Variants in STK35 observed in about 807,000 individuals in gnomAD.
STK35 encodes the protein serine/threonine kinase 35, also known as serine/threonine-protein kinase 35.
STK35 carries 17 observed loss-of-function variants against 37.3 expected under a neutral mutation model. That is an observed-to-expected ratio of 0.46 (90% CI 0.31 to 0.68). The LOEUF is 0.68. Ranked by LOEUF, STK35 falls within the 30% of genes least tolerant of loss-of-function variation. The pLI is 0.05. For synonymous variants in STK35, 385 were observed against 319.1 expected (o/e 1.21, Z -2.20); for missense variants, 595 against 746.7 (o/e 0.80, Z 2.37).
chr20:2,107,450 CACACCAA>C (rs1985537805), intron 2 of STK35, among the ~76,000 whole-genome samples: 1 of 152,216 alleles, frequency 6.6e-6, no homozygotes, highest in Non-Finnish European at 1.5e-5. Context: ...ATCTTGCCTG[CACACCAA>C]GTGGCTTTGA....
chr20:2,140,872 A>G (rs1271599765), intron 3 of STK35, among the ~76,000 whole-genome samples: 2 of 152,174 alleles, frequency 1.3e-5, no homozygotes, highest in African/African-American at 4.8e-5. Context: ...CTGCTAGTTT[A>G]TTATGTAAAA....
chr20:2,129,351 G>A (rs941527707), intron 3 of STK35, among the ~76,000 whole-genome samples: 6 of 152,074 alleles, frequency 3.9e-5, no homozygotes, highest in Admixed American at 2.0e-4. Flanking sequence ...TACATAGAAC[G>A]GGAATGAAAA....
chr20:2,137,632 G>A (rs558559088), intron 3 of STK35, among the ~76,000 whole-genome samples: 88 of 152,172 alleles, frequency 5.8e-4, no homozygotes, highest in Non-Finnish European at 8.5e-4. Flanking sequence ...CCATTCCTTC[G>A]ACCCTGACAA....
At chr20:2,124,038 A>G (rs1391054851) in intron 3 of STK35, among the ~76,000 whole-genome samples, 6 of 152,252 alleles carry the variant, frequency 3.9e-5, no homozygotes, top group African/African-American at 1.4e-4. Context: ...AAGAAGAGGT[A>G]AAGCCTAGCC....
chr20:2,120,928 A>G (rs1985805995), intron 3 of STK35, among the ~76,000 whole-genome samples: 1 of 152,094 alleles, frequency 6.6e-6, no homozygotes, highest in Non-Finnish European at 1.5e-5. Context: ...TGTACTTTTA[A>G]ATGGAAGATA....
At chr20:2,135,790 C>T (rs1339464494) in intron 3 of STK35, among the ~76,000 whole-genome samples, 1 of 152,204 alleles carries the variant, frequency 6.6e-6, no homozygotes, top group Non-Finnish European at 1.5e-5. Context: ...GTGGAGGTTG[C>T]AGTGAGCCGA....
intron 3 of STK35, among the ~76,000 whole-genome samples, chr20:2,134,992 G>T (rs1986062031): frequency 6.6e-6 from 1 of 152,192 alleles, no homozygotes; most frequent in Non-Finnish European, 1.5e-5. Flanking sequence ...AGGAGTCCAG[G>T]TTAAGAACCC....
At chr20:2,108,852 A>G (rs1985565677) in intron 2 of STK35, among the ~76,000 whole-genome samples, 1 of 152,184 alleles carries the variant, frequency 6.6e-6, no homozygotes, top group South Asian at 2.1e-4. Flanking sequence ...TAGTCTGCTC[A>G]TATTCACCTC....
rs1985565978 is a variant in STK35 at position 2,108,865 on chromosome 20, A to G, written c.892+5500A>G. Among the ~76,000 whole-genome samples, 4 of 152,220 alleles carry G rather than the reference A, an allele frequency of 2.6e-5. No homozygotes were observed. In the South Asian group the frequency reaches 6.2e-4, roughly 24 times the overall value. On this transcript the variant is annotated intron_variant, in intron 2 of 3. Coordinates refer to ENST00000381482, the MANE Select transcript of STK35 (RefSeq NM_080836.4). ...TGTAGTCTGCTCATATTCACCTCAA[A>G]TGTGGCCTTTGCTGGTATCTGTAGG...
At chr20:2,119,530 G>C (rs769928283) in intron 3 of STK35, among the ~76,000 whole-genome samples, 1 of 152,232 alleles carries the variant, frequency 6.6e-6, no homozygotes, top group Non-Finnish European at 1.5e-5. Context: ...AAATTGACCA[G>C]CATATATGCT....
intron 2 of STK35, among the ~76,000 whole-genome samples, chr20:2,111,365 T>C (rs1432517185): frequency 6.6e-6 from 1 of 152,182 alleles, no homozygotes; most frequent in Non-Finnish European, 1.5e-5. Context: ...GCCTTAAAAT[T>C]GGTGACTTGT....
At chr20:2,130,904 G>A (rs779450207) in intron 3 of STK35, among the ~76,000 whole-genome samples, 3 of 152,168 alleles carry the variant, frequency 2.0e-5, no homozygotes, top group Non-Finnish European at 4.4e-5. Flanking sequence ...AATAGAGGGC[G>A]TGGGTAGAGG....
rs532392853 is a variant in STK35 at position 2,130,215 on chromosome 20, GT to G, written c.*37+12803del. Among the ~76,000 whole-genome samples, 22 of 152,260 alleles carry G rather than the reference GT, an allele frequency of 1.4e-4. No individual in the cohort carries two copies. In the East Asian group the frequency reaches 4.1e-3, roughly 28 times the overall value. Reference sequence around the variant, plus strand: ...ACCGTACTCTCTCTCCTGCGTGGGTGTTTGTGGTAAGTGGCGCCCGTTTATC... The same window carrying G: ...ACCGTACTCTCTCTCCTGCGTGGGTGTTGTGGTAAGTGGCGCCCGTTTATC... On this transcript the variant is annotated intron_variant, in intron 3 of 3. Coordinates refer to ENST00000381482, the MANE Select transcript of STK35 (RefSeq NM_080836.4).
At chr20:2,141,484 C>T (rs1986171168) in intron 3 of STK35, among the ~76,000 whole-genome samples, 1 of 152,180 alleles carries the variant, frequency 6.6e-6, no homozygotes, top group African/African-American at 2.4e-5. Flanking sequence ...CTCCTTTGTC[C>T]ACTGGGCATG....
intron 3 of STK35, among the ~76,000 whole-genome samples, chr20:2,118,936 C>T (rs1160931490): frequency 6.6e-6 from 1 of 152,206 alleles, no homozygotes; most frequent in East Asian, 1.9e-4. Flanking sequence ...TGTAAGTACA[C>T]TCTTGACATT....
At chr20:2,105,129 C>A (rs1237603154) in intron 2 of STK35, among the ~76,000 whole-genome samples, 1 of 150,760 alleles carries the variant, frequency 6.6e-6, no homozygotes, top group Non-Finnish European at 1.5e-5. Flanking sequence ...GGCACTATAA[C>A]CTGGGCGACT....
In STK35 at chr20:2,144,544, G is replaced by C. The variant is rs529601140; in HGVS notation, c.*798G>C. ...TGCAGGGAACTAGGAGGTAAGGGTG[G>C]AGGGCGACCATCTCGCTCTTGCTGG... is the stretch of plus-strand genomic sequence containing the variant. On this transcript the variant is annotated 3_prime_UTR_variant, in exon 4 of 4. Transcript: ENST00000381482. 2 of 152,872 alleles carry C rather than the reference G, an allele frequency of 1.3e-5. No individual in the cohort carries two copies. Among genetic ancestry groups the C allele is most frequent in the Admixed American group, 6.5e-5 (1 of 15,294 alleles). The allele number at this position is 152,872 out of a possible 1,614,324, so 9.5% of individuals were successfully genotyped here. A position where few individuals can be genotyped will look rare whatever the true frequency, so the allele number is the denominator to read the frequency against.
chr20:2,121,471 G>T (rs1985815714), intron 3 of STK35, among the ~76,000 whole-genome samples: 1 of 152,198 alleles, frequency 6.6e-6, no homozygotes, highest in Admixed American at 6.5e-5. Flanking sequence ...ATAAGATGGG[G>T]AAGACATTGG....
At chr20:2,125,363 T>G (rs1985887051) in intron 3 of STK35, among the ~76,000 whole-genome samples, 1 of 152,242 alleles carries the variant, frequency 6.6e-6, no homozygotes, top group South Asian at 2.1e-4. Flanking sequence ...TGTATCATTA[T>G]CATACATCAT....
Sources: gnomAD v4.1 joint callset for allele counts (sites outside exome capture counted in the v4.1 genomes callset) on GRCh38, gnomAD v4.1.1 for gene constraint, MANE v1.5 for transcripts, NCBI Gene and HGNC (gene_info 2026-07-23, HGNC 2026-07-21) for gene names.